Variants in DDX46 observed in about 807,000 individuals in gnomAD.
The protein encoded by DDX46 is probable ATP-dependent RNA helicase DDX46.
A neutral mutation model predicts 134.9 loss-of-function variants in DDX46; 30 were observed. That is an observed-to-expected ratio of 0.22 (90% CI 0.17 to 0.30). The LOEUF (loss-of-function observed/expected upper bound fraction) is 0.30. DDX46 is among the 10% of genes least tolerant of loss of function. DDX46 has a pLI of 1.00. For missense variants in DDX46, 622 were observed against 1,248.7 expected (o/e 0.50, Z 7.56); for synonymous variants, 415 against 404.1 (o/e 1.03, Z -0.32).
intron 5 of DDX46, among the ~76,000 whole-genome samples, chr5:134,775,457 G>A (rs545328509): frequency 7.9e-5 from 12 of 151,304 alleles, no homozygotes; most frequent in African/African-American, 1.9e-4. Flanking sequence ...TGTTGCCTAC[G>A]CTTGAGTGCA....
Position 134,830,933 on chromosome 5 carries a change from T to A in DDX46, c.*2227T>A, listed in dbSNP as rs1215072628. The A allele has an allele frequency of 6.5e-6, 1 of 152,680 alleles. No homozygotes were observed. Among genetic ancestry groups the A allele is most frequent in the Non-Finnish European group, 1.5e-5 (1 of 68,046 alleles). 9.5% of individuals were successfully genotyped at this position (152,680 alleles called of 1,614,324 possible). A position where few individuals can be genotyped will look rare whatever the true frequency, so the allele number is the denominator to read the frequency against. On this transcript the variant is annotated 3_prime_UTR_variant, in exon 23 of 23. Coordinates refer to ENST00000452510, the MANE Select transcript of DDX46 (RefSeq NM_001300860.2). ...ACATCATTTTAGCATTTTGTTTGTA[T>A]ATCAGTTGTGATGAGCCACTGATAA...
intron 15 of DDX46, chr5:134,797,196 A>AAAAAC (rs1561865733): frequency 7.1e-6 from 2 of 281,804 alleles, no homozygotes; most frequent in African/African-American, 2.3e-5. Flanking sequence ...AAAAAAAAAA[A>AAAAAC]ACACAAAACA....
intron 21 of DDX46, among the ~76,000 whole-genome samples, chr5:134,825,581 T>C (rs750404833): frequency 1.2e-4 from 18 of 152,218 alleles, no homozygotes; most frequent in South Asian, 4.1e-4. Context: ...GATAAAAATA[T>C]AGCTCTCTAC....
At chr5:134,778,427 C>T (rs1454155789) in intron 6 of DDX46, among the ~76,000 whole-genome samples, 2 of 151,854 alleles carry the variant, frequency 1.3e-5, no homozygotes, top group Non-Finnish European at 2.9e-5. Context: ...ACAGTATGTC[C>T]CTTCTCCCTT....
chr5:134,790,985 C>T (rs1325445578), intron 13 of DDX46, among the ~76,000 whole-genome samples: 3 of 126,864 alleles, frequency 2.4e-5, no homozygotes, highest in South Asian at 2.8e-4. Flanking sequence ...CCACCACGCC[C>T]GGTTAACTTT....
intron 4 of DDX46, among the ~76,000 whole-genome samples, chr5:134,772,781 C>A (rs926945511): frequency 6.6e-6 from 1 of 152,198 alleles, no homozygotes; most frequent in African/African-American, 2.4e-5. Flanking sequence ...ACTGGAATTA[C>A]AAGCATGAGC....
intron 11 of DDX46, among the ~76,000 whole-genome samples, chr5:134,786,883 TAA>T (rs1754353770): frequency 6.6e-6 from 1 of 150,478 alleles, no homozygotes; most frequent in Non-Finnish European, 1.5e-5. Flanking sequence ...TGGGATGCAT[TAA>T]TATCAGAGGT....
At chr5:134,762,723 G>A (rs1753429492) in intron 1 of DDX46, among the ~76,000 whole-genome samples, 2 of 150,490 alleles carry the variant, frequency 1.3e-5, no homozygotes, top group Non-Finnish European at 3.0e-5. Flanking sequence ...ACAAGAGTGC[G>A]ACTCTGTCTC....
At chr5:134,760,997 G>T (rs1753364443) in intron 1 of DDX46, among the ~76,000 whole-genome samples, 1 of 152,022 alleles carries the variant, frequency 6.6e-6, no homozygotes, top group African/African-American at 2.4e-5. Flanking sequence ...CCAAAGTTCT[G>T]GGATTACAGG....
rs1755666420 is a variant in DDX46 at position 134,829,057 on chromosome 5, A to T, written c.*351A>T. 6.0e-6 allele frequency: 1 copy of T among 166,120 alleles called. No individual in the cohort carries two copies. The highest frequency in any genetic ancestry group is 6.4e-5 in the Admixed American group (1 of 15,718). 10.3% of individuals were successfully genotyped at this position (166,120 alleles called of 1,614,324 possible). ...AAGTCGTTAAGGGGCTATTCACTTT[A>T]TCCTGTACTTTCAATGAAATTGTGA... On this transcript the variant is annotated 3_prime_UTR_variant, in exon 23 of 23. Transcript: ENST00000452510.
In DDX46 at chr5:134,830,009, A is replaced by T. The variant is rs1056835139; in HGVS notation, c.*1303A>T. 2.0e-5 allele frequency: 3 copies of T among 151,890 alleles called. No homozygotes were observed. The highest frequency in any genetic ancestry group is 7.3e-5 in the African/African-American group (3 of 41,326). The allele number at this position is 151,890 out of a possible 1,614,324, so 9.4% of individuals were successfully genotyped here. A position where few individuals can be genotyped will look rare whatever the true frequency, so the allele number is the denominator to read the frequency against. On this transcript the variant is annotated 3_prime_UTR_variant, in exon 23 of 23. Transcript: ENST00000452510. ...TGAATATTCTAATTTAAATTGTTAT[A>T]ATTGGATTACCTAATATTCTTTTCA...
At chr5:134,807,611 C>T (rs539730883) in intron 15 of DDX46, 137 bp from the exon 16 acceptor site, 1 of 744,840 alleles carries the variant, frequency 1.3e-6, no homozygotes, top group Admixed American at 3.0e-5. Context: ...CTTGCCATTA[C>T]ATTTTCTTAG....
intron 3 of DDX46, among the ~76,000 whole-genome samples, chr5:134,768,950 C>T (rs1561851636): frequency 1.3e-5 from 2 of 151,916 alleles, no homozygotes; most frequent in South Asian, 4.1e-4. Flanking sequence ...CCCAGCTACT[C>T]GGGAGGCTGA....
intron 1 of DDX46, among the ~76,000 whole-genome samples, chr5:134,760,537 TAGAATC>T (rs1389691320): frequency 1.3e-5 from 2 of 152,142 alleles, no homozygotes; most frequent in African/African-American, 4.8e-5. Context: ...AAGTGTGTAA[TAGAATC>T]AGAATTCTCC....
chr5:134,802,960 C>A (rs2150152507), intron 15 of DDX46, among the ~76,000 whole-genome samples: 2 of 152,172 alleles, frequency 1.3e-5, no homozygotes, highest in East Asian at 3.9e-4. Context: ...ACTCTGTCTG[C>A]CTTTAATGGG....
chr5:134,825,048 T>G (rs1426928935), intron 21 of DDX46, among the ~76,000 whole-genome samples: 1 of 152,232 alleles, frequency 6.6e-6, no homozygotes, highest in Admixed American at 6.5e-5. Flanking sequence ...TATAAACATA[T>G]GTAACCTATT....
Position 134,826,935 on chromosome 5 carries a change from CTCAA to C in DDX46, c.2978-8_2978-5del. 1 of 1,611,018 alleles carries C rather than the reference CTCAA, an allele frequency of 6.2e-7. No individual in the cohort carries two copies. The highest frequency in any genetic ancestry group is 8.5e-7 in the Non-Finnish European group (1 of 1,178,940). On this transcript the variant is annotated splice_polypyrimidine_tract_variant and splice_region_variant and intron_variant, in intron 21 of 22. Transcript: ENST00000452510. ...AGTAATTTGAATAATATGCTTTCCA[CTCAA>C]TCACTAGGTGCCAATGAACTGGCTG... is the stretch of plus-strand genomic sequence containing the variant.
chr5:134,767,002 C>T lies in DDX46; in HGVS notation c.292C>T (p.Arg98Trp), dbSNP rs779907408. ...RDRRRSRSRS[R>W]GRRSRSSSPG... Reference sequence around the variant, plus strand: ...CAGGAGACGCTCAAGGAGTAGAAGCCGGGGCCGGCGATCCCGATCCTCCAG... The same window carrying T: ...CAGGAGACGCTCAAGGAGTAGAAGCTGGGGCCGGCGATCCCGATCCTCCAG... The change falls in exon 3 of 23, where the codon CGG becomes TGG. Residue 98 changes from arginine to tryptophan, a missense_variant. This residue lies in a region of DDX46 where 244 missense variants were observed against 349.3 expected (regional missense o/e 0.70). Coordinates refer to ENST00000452510, the MANE Select transcript of DDX46 (RefSeq NM_001300860.2). 4.5e-5 allele frequency: 72 copies of T among 1,613,808 alleles called. No individual in the cohort carries two copies. The highest frequency in any genetic ancestry group is 1.6e-4 in the Middle Eastern group (1 of 6,082).
rs1755077168 is a variant in DDX46, at chr5:134,809,426, G to A, written c.2148+1485G>A. Reference sequence around the variant, plus strand: ...TCTGTTGCCCAGACTGGAGTGCAGTGGCATGATCTTGGCTCACTGCAACCT... The same window carrying A: ...TCTGTTGCCCAGACTGGAGTGCAGTAGCATGATCTTGGCTCACTGCAACCT... On this transcript the variant is annotated intron_variant, in intron 16 of 22. Transcript: ENST00000452510. Among the ~76,000 whole-genome samples the A allele has an allele frequency of 1.3e-5, 2 of 152,022 alleles. 1 individual carries two copies. The highest frequency in any genetic ancestry group is 4.1e-4 in the South Asian group (2 of 4,824).
Sources: gnomAD v4.1 joint callset for allele counts (sites outside exome capture counted in the v4.1 genomes callset) on GRCh38, gnomAD v4.1.1 for gene constraint, gnomAD v4.1.1 regional missense constraint, MANE v1.5 for transcripts, NCBI Gene and HGNC (gene_info 2026-07-23, HGNC 2026-07-21) for gene names.